The following SMS variants were observed in gnomAD, a reference collection of about 807,000 sequenced individuals.
SMS encodes spermidine aminopropyltransferase.
In SMS, 3 loss-of-function variants were observed where a neutral mutation model predicts 33.0. The observed-to-expected ratio is 0.09, with a 90% CI of 0.04 to 0.23. The LOEUF (loss-of-function observed/expected upper bound fraction) is 0.23, where lower values mean the gene tolerates loss of function less well. Ranked by LOEUF, SMS falls within the 10% of genes least tolerant of loss-of-function variation. SMS has a pLI of 1.00. For synonymous variants in SMS, 103 were observed against 112.2 expected, an observed-to-expected ratio of 0.92 and a Z score of 0.52; for missense variants, 117 against 288.6, an observed-to-expected ratio of 0.41 and a Z score of 4.31.
chrX:21,967,139 G>T, intron 1 of SMS, 57 bp from the exon 2 acceptor site: 3 of 1,176,463 alleles, frequency 2.6e-6, no homozygotes, highest in Non-Finnish European at 3.5e-6. Flanking sequence ...TGCCTCATTG[G>T]CCTTCCTTCT....
intron 1 of SMS, among the ~76,000 whole-genome samples, chrX:21,945,447 G>A (rs1425488630): frequency 8.9e-6 from 1 of 111,760 alleles, no homozygotes; most frequent in Non-Finnish European, 1.9e-5. Context: ...AAGAACAGAA[G>A]GCTACTTGGG....
At chrX:21,970,891 A>G (rs1299972382) in intron 2 of SMS, among the ~76,000 whole-genome samples, 1 of 110,849 alleles carries the variant, frequency 9.0e-6, no homozygotes, top group Non-Finnish European at 1.9e-5. Flanking sequence ...ACATCTGTGT[A>G]AATGCAAAAC....
At chrX:21,992,801 C>G (rs1337379554) in intron 10 of SMS, 89 bp downstream of exon 10, 1 of 530,506 alleles carries the variant, frequency 1.9e-6, no homozygotes, top group Admixed American at 2.8e-5. Context: ...CAATAATAAA[C>G]AATTAGCTTA....
chrX:21,950,103 G>A (rs1344580303), intron 1 of SMS, among the ~76,000 whole-genome samples: 1 of 111,928 alleles, frequency 8.9e-6, no homozygotes, highest in African/African-American at 3.3e-5. Context: ...GGGTCTTGCT[G>A]TGTTGCTCAG....
intron 4 of SMS, among the ~76,000 whole-genome samples, chrX:21,976,548 C>G (rs1924542893): frequency 9.7e-6 from 1 of 103,520 alleles, no homozygotes; most frequent in Non-Finnish European, 2.0e-5. Context: ...ATGAAACATA[C>G]CAGTAAAAAA....
chrX:21,991,852 A>T (rs1005127715), intron 9 of SMS, among the ~76,000 whole-genome samples: 4 of 111,382 alleles, frequency 3.6e-5, no homozygotes, highest in African/African-American at 1.3e-4. Flanking sequence ...CAAATATCAC[A>T]TCTAGGTCAT....
intron 4 of SMS, among the ~76,000 whole-genome samples, chrX:21,975,013 T>C (rs1185648285): frequency 1.8e-5 from 2 of 111,318 alleles, no homozygotes; most frequent in Non-Finnish European, 3.8e-5. Flanking sequence ...GGGATGTACT[T>C]GAATTTATTT....
intron 2 of SMS, among the ~76,000 whole-genome samples, chrX:21,969,328 T>C (rs1172346357): frequency 8.9e-6 from 1 of 111,757 alleles, no homozygotes; most frequent in East Asian, 2.8e-4. Flanking sequence ...AGATGATGAT[T>C]TCTTCCTCAT....
chrX:21,992,520 T>A, intron 9 of SMS, 77 bp from the exon 10 acceptor site: 1 of 597,938 alleles, frequency 1.7e-6, no homozygotes, highest in Non-Finnish European at 2.9e-6. Flanking sequence ...ATTGTTCTCC[T>A]TTATTAAAGA....
At chrX:21,945,686 A>G (rs939106777) in intron 1 of SMS, among the ~76,000 whole-genome samples, 2 of 81,567 alleles carry the variant, frequency 2.5e-5, no homozygotes, top group Non-Finnish European at 4.4e-5. Flanking sequence ...CTGGAGTGCA[A>G]TGGCACGATC....
intron 2 of SMS, among the ~76,000 whole-genome samples, chrX:21,969,426 G>A (rs1304008498): frequency 8.9e-6 from 1 of 111,957 alleles, no homozygotes; most frequent in Non-Finnish European, 1.9e-5. Context: ...TGGAAGCAGA[G>A]GCTGTAGCTG....
chrX:21,988,662 C>CAAAAAAAAAAA (rs199561897), intron 9 of SMS, among the ~76,000 whole-genome samples: 81 of 66,136 alleles, frequency 1.2e-3, no homozygotes, highest in Non-Finnish European at 1.8e-3. Context: ...GACTCTGTCT[C>CAAAAAAAAAAA]AAAAAAAAAA....
intron 5 of SMS, 68 bp downstream of exon 5, chrX:21,977,304 G>A: frequency 2.1e-6 from 2 of 961,442 alleles, no homozygotes; most frequent in African/African-American, 3.8e-5. Context: ...GTGTTTTCCT[G>A]ACAATTACTA....
At chrX:21,978,221 TTACCTAGAC>T in intron 6 of SMS, 107 bp downstream of exon 6, 1 of 760,231 alleles carries the variant, frequency 1.3e-6, no homozygotes, top group Non-Finnish European at 2.0e-6. Flanking sequence ...GGCAAATGTG[TTACCTAGAC>T]TGCCTTGAAC....
intron 2 of SMS, among the ~76,000 whole-genome samples, chrX:21,968,353 C>G (rs1203600971): frequency 2.7e-5 from 3 of 112,597 alleles, no homozygotes; most frequent in Non-Finnish European, 5.6e-5. Context: ...TCGTGCATTT[C>G]CCCCAGAAAT....
At chrX:21,948,424 A>C (rs183107220) in intron 1 of SMS, among the ~76,000 whole-genome samples, 2 of 86,241 alleles carry the variant, frequency 2.3e-5, no homozygotes, top group African/African-American at 4.9e-5. Context: ...AATAACCAGT[A>C]GTCAGTCAAT....
At chrX:21,979,047 CT>C in intron 7 of SMS, 81 bp downstream of exon 7, 1 of 682,859 alleles carries the variant, frequency 1.5e-6, no homozygotes, top group Non-Finnish European at 2.4e-6. Flanking sequence ...ATTAAAACAG[CT>C]TTTAGTATAG....
intron 7 of SMS, among the ~76,000 whole-genome samples, chrX:21,981,630 T>TA (rs1187972725): frequency 8.9e-6 from 1 of 112,073 alleles, no homozygotes; most frequent in African/African-American, 3.2e-5. Flanking sequence ...TGGTCTAAGA[T>TA]ACATTTCAGT....
At chrX:21,994,170 A>G in intron 10 of SMS, 142 bp from the exon 11 acceptor site, 1 of 589,055 alleles carries the variant, frequency 1.7e-6, no homozygotes, top group Non-Finnish European at 2.9e-6. Flanking sequence ...GCCTTATTCA[A>G]AGTCCTTCGT....
Sources: allele counts gnomAD v4.1 joint callset (sites outside exome capture counted in the v4.1 genomes callset), GRCh38; gene constraint gnomAD v4.1.1; transcripts MANE v1.5; gene names NCBI Gene and HGNC (gene_info 2026-07-23, HGNC 2026-07-21).